The following ZFYVE28 variants were observed in gnomAD, a reference collection of about 807,000 sequenced individuals.
ZFYVE28 encodes the protein lateral signaling target protein 2 homolog.
ZFYVE28 carries 40 observed loss-of-function variants against 82.1 expected under a neutral mutation model. The ratio of observed to expected loss-of-function variants is 0.49; its 90% CI spans 0.38 to 0.63. The LOEUF is 0.63. ZFYVE28 is among the 30% of genes least tolerant of loss of function. ZFYVE28 has a pLI of 0.00. For synonymous variants in ZFYVE28, 612 were observed against 546.1 expected (o/e 1.12, Z -1.68); for missense variants, 1,321 against 1,242.1 (o/e 1.06, Z -0.96).
chr4:2,402,865 G>A (rs1560345226), intron 1 of ZFYVE28, among the ~76,000 whole-genome samples: 1 of 152,122 alleles, frequency 6.6e-6, no homozygotes, highest in Non-Finnish European at 1.5e-5. Context: ...GCAGGGCCAA[G>A]CCTGCCCCCT....
At position 2,416,493 on chromosome 4, in the gene ZFYVE28, C is replaced by T. The variant is rs2108694694; in HGVS notation, c.39+1792G>A. The stretch of plus-strand genomic sequence containing the variant: ...CAGAAAATAATGCTGCTGCACGCCC[C>T]CAAAACGCCGTTTTACAAGCAGACT... On this transcript the variant is annotated intron_variant, in intron 1 of 12. Transcript: ENST00000290974. This position sits in a 1 kb window ranked among gnomAD's most constrained non-coding sequence, Gnocchi z 4.6. Among the ~76,000 whole-genome samples, 1 of 152,312 alleles carries T rather than the reference C, an allele frequency of 6.6e-6. No homozygotes were observed. The highest frequency in any genetic ancestry group is 1.9e-4 in the East Asian group (1 of 5,186).
intron 1 of ZFYVE28, chr4:2,364,856 G>A (rs1726662078): frequency 1.0e-6 from 1 of 985,510 alleles, no homozygotes; most frequent in Non-Finnish European, 1.2e-6. Context: ...CCCCCACGTC[G>A]CCGCGGCAAA....
rs1262628065 is a variant in ZFYVE28, at chr4:2,394,342, G to A, written c.39+23943C>T. On this transcript the variant is annotated intron_variant, in intron 1 of 12. Coordinates refer to ENST00000290974, the MANE Select transcript of ZFYVE28 (RefSeq NM_020972.3). This position sits in a 1 kb window ranked among gnomAD's most constrained non-coding sequence, Gnocchi z 4.0. ...GGGGCCATCATTCTGCCTGCCGCAG[G>A]TGGCACAGCTGGGTCACCCACCCCA... Among the ~76,000 whole-genome samples, 2 of 152,230 alleles carry A rather than the reference G, an allele frequency of 1.3e-5. No individual in the cohort carries two copies. The highest frequency in any genetic ancestry group is 3.9e-4 in the East Asian group (2 of 5,168).
chr4:2,335,238 C>T lies in ZFYVE28; in HGVS notation c.701+467G>A, dbSNP rs1035583971. Among the ~76,000 whole-genome samples, 12 of 152,026 alleles carry T rather than the reference C, an allele frequency of 7.9e-5. No homozygotes were observed. Among genetic ancestry groups the T allele is most frequent in the Non-Finnish European group, 2.9e-5 (2 of 67,990 alleles). On this transcript the variant is annotated intron_variant, in intron 6 of 12. Coordinates refer to ENST00000290974, the MANE Select transcript of ZFYVE28 (RefSeq NM_020972.3). The surrounding 1 kb of genome is among the most constrained non-coding windows in gnomAD (Gnocchi z 5.8). ...ACCTGCCCTTCAACCCAATGTGCTT[C>T]ACCTCCCTGCCAGCCCCCAAATTAT...
intron 8 of ZFYVE28, among the ~76,000 whole-genome samples, chr4:2,274,886 G>A (rs1326856009): frequency 7.4e-6 from 1 of 135,454 alleles, no homozygotes; most frequent in African/African-American, 3.7e-5. Context: ...GGCGAGAGGA[G>A]CCTGCCCTGG....
intron 1 of ZFYVE28, among the ~76,000 whole-genome samples, chr4:2,389,452 T>C (rs3135090): frequency 0.65 from 98,911 of 152,096 alleles, 32,626 homozygotes; most frequent in East Asian, 0.79. Flanking sequence ...AGGCTCAGCC[T>C]GCTAGAGCCC....
intron 2 of ZFYVE28, among the ~76,000 whole-genome samples, chr4:2,345,771 G>A (rs913336983): frequency 1.3e-5 from 2 of 151,332 alleles, no homozygotes; most frequent in Non-Finnish European, 2.9e-5. Flanking sequence ...CCAATAAAAA[G>A]AGAAAATCTT....
At chr4:2,328,927 T>C (rs1244732489) in intron 6 of ZFYVE28, 1 of 468,538 alleles carries the variant, frequency 2.1e-6, no homozygotes, top group Non-Finnish European at 3.8e-6. Context: ...CAATAATCAG[T>C]TCACCATAGA....
At chr4:2,360,436 C>A (rs575667040) in intron 1 of ZFYVE28, among the ~76,000 whole-genome samples, 1 of 150,462 alleles carries the variant, frequency 6.6e-6, no homozygotes, top group Non-Finnish European at 1.5e-5. Context: ...CAGGCACGCA[C>A]GCACACACAG....
chr4:2,308,719 G>GA (rs1472554657), intron 7 of ZFYVE28, among the ~76,000 whole-genome samples: 3 of 141,782 alleles, frequency 2.1e-5, no homozygotes, highest in African/African-American at 5.5e-5. Flanking sequence ...GAAAAGAAAA[G>GA]AAAGAAAAAA....
At chr4:2,404,188 G>A (rs910581500) in intron 1 of ZFYVE28, among the ~76,000 whole-genome samples, 2 of 151,898 alleles carry the variant, frequency 1.3e-5, no homozygotes, top group East Asian at 1.9e-4. Flanking sequence ...CAGGCATGGT[G>A]GTGGGTGCCT....
intron 8 of ZFYVE28, among the ~76,000 whole-genome samples, chr4:2,288,849 G>A (rs2108809200): frequency 6.6e-6 from 1 of 152,332 alleles, no homozygotes; most frequent in South Asian, 2.1e-4. Context: ...GGGCATGGCA[G>A]CACATGCCTG....
At chr4:2,411,946 C>A (rs1732563430) in intron 1 of ZFYVE28, among the ~76,000 whole-genome samples, 1 of 152,206 alleles carries the variant, frequency 6.6e-6, no homozygotes, top group African/African-American at 2.4e-5. Context: ...ACATGGTGAA[C>A]CCCATTGCTG....
intron 8 of ZFYVE28, 132 bp downstream of exon 8, chr4:2,304,157 G>A (rs1025252488): frequency 6.0e-5 from 73 of 1,216,298 alleles, no homozygotes; most frequent in East Asian, 2.9e-4. Flanking sequence ...CCCCACACTC[G>A]GCCAGGGCCC....
At position 2,418,426 on chromosome 4, in the gene ZFYVE28, C is replaced by G. The variant is rs541860022; in HGVS notation, c.-103G>C. 1.0e-6 allele frequency: 1 copy of G among 954,888 alleles called. No individual in the cohort carries two copies. The highest frequency in any genetic ancestry group is 1.3e-6 in the Non-Finnish European group (1 of 777,622). 59.2% of individuals were successfully genotyped at this position (954,888 alleles called of 1,614,324 possible). On this transcript the variant is annotated 5_prime_UTR_variant, in exon 1 of 13. Transcript: ENST00000290974. The surrounding 1 kb of genome is among the most constrained non-coding windows in gnomAD (Gnocchi z 4.6). ...GGCGGACGCGGAGGCACGGCCGGAG[C>G]CCCCGCGCTGTCGCAGGGAGGCTGG...
In ZFYVE28 at chr4:2,335,464, C is replaced by T. The variant is rs1487506624; in HGVS notation, c.701+241G>A. On this transcript the variant is annotated intron_variant, in intron 6 of 12. Coordinates refer to ENST00000290974, the MANE Select transcript of ZFYVE28 (RefSeq NM_020972.3). The surrounding 1 kb of genome is among the most constrained non-coding windows in gnomAD (Gnocchi z 5.8). ...TGGCAGGTGGCAGGTGTTAGGCCAC[C>T]TTGCCCTATCTAGGGTGACAGAGCC... is the stretch of plus-strand genomic sequence containing the variant. Among the ~76,000 whole-genome samples the T allele has an allele frequency of 1.3e-5, 2 of 152,134 alleles. No individual in the cohort carries two copies. The highest frequency in any genetic ancestry group is 3.9e-4 in the East Asian group (2 of 5,192).
intron 1 of ZFYVE28, among the ~76,000 whole-genome samples, chr4:2,377,381 T>C (rs1728275125): frequency 1.3e-5 from 2 of 152,254 alleles, no homozygotes; most frequent in South Asian, 4.1e-4. Context: ...AATTATGAGC[T>C]AAACTCGCTG....
rs1001138147 is a variant in ZFYVE28, at chr4:2,418,188, C to A, written c.39+97G>T. The A allele has an allele frequency of 3.3e-6, 4 of 1,210,904 alleles. No homozygotes were observed. The highest frequency in any genetic ancestry group is 4.5e-6 in the Non-Finnish European group (4 of 897,258). The allele number at this position is 1,210,904 out of a possible 1,614,324, so 75.0% of individuals were successfully genotyped here. Reference sequence around the variant, plus strand: ...GGTGGGGGAAGAGGCCGGCCACGGACAGGGAAAGGGAGTCCGTCTTGTAGG... The same window carrying A: ...GGTGGGGGAAGAGGCCGGCCACGGAAAGGGAAAGGGAGTCCGTCTTGTAGG... On this transcript the variant is annotated intron_variant, in intron 1 of 12. Transcript: ENST00000290974. This position sits in a 1 kb window ranked among gnomAD's most constrained non-coding sequence, Gnocchi z 4.6.
intron 1 of ZFYVE28, among the ~76,000 whole-genome samples, chr4:2,396,055 T>C (rs1359252700): frequency 6.7e-6 from 1 of 150,238 alleles, no homozygotes; most frequent in Admixed American, 6.6e-5. Context: ...GGACAAGCTA[T>C]CCTGCAGAGG....
Sources: gnomAD v4.1 joint callset for allele counts (sites outside exome capture counted in the v4.1 genomes callset) on GRCh38, gnomAD v4.1.1 for gene constraint, Gnocchi (gnomAD v3.1) non-coding constraint, MANE v1.5 for transcripts, NCBI Gene and HGNC (gene_info 2026-07-23, HGNC 2026-07-21) for gene names.